ZNF777: variants seen among roughly 807,000 people sequenced by gnomAD.
ZNF777 encodes the protein zinc finger protein 777.
In ZNF777, 7 loss-of-function variants were observed where a neutral mutation model predicts 72.1. That is an observed-to-expected ratio of 0.10 (90% CI 0.06 to 0.18). The LOEUF (loss-of-function observed/expected upper bound fraction) is 0.18. Among genes scored for constraint, ZNF777 ranks in the 10% least tolerant of loss-of-function variants. ZNF777 has a pLI of 1.00. For synonymous variants in ZNF777, 545 were observed against 483.5 expected, an observed-to-expected ratio of 1.13 and a Z score of -1.67; for missense variants, 828 against 1,128.6, an observed-to-expected ratio of 0.73 and a Z score of 3.82.
At chr7:149,459,620 C>A in intron 1 of ZNF777, 1 of 984,800 alleles carries the variant, frequency 1.0e-6, no homozygotes, top group Non-Finnish European at 1.2e-6. Flanking sequence ...TCTGGGCAGG[C>A]CTTTCTGGGG....
chr7:149,460,172 C>A lies in ZNF777; in HGVS notation c.-16+643G>T. The A allele has an allele frequency of 2.2e-6, 2 of 896,498 alleles. No individual in the cohort carries two copies. Among genetic ancestry groups the A allele is most frequent in the South Asian group, 1.0e-4 (2 of 19,748 alleles). 55.5% of individuals were successfully genotyped at this position (896,498 alleles called of 1,614,324 possible). A position where few individuals can be genotyped will look rare whatever the true frequency, so the allele number is the denominator to read the frequency against. ...GGCCCTGCGCTGTCCGGCCCGGGCCCCCGGAGTCGCCGCCGCTACTGCCGC... is the reference window on the plus strand; with the variant it reads ...GGCCCTGCGCTGTCCGGCCCGGGCCACCGGAGTCGCCGCCGCTACTGCCGC... On this transcript the variant is annotated intron_variant, in intron 1 of 5. Coordinates refer to ENST00000247930, the MANE Select transcript of ZNF777 (RefSeq NM_015694.3). This position sits in a 1 kb window ranked among gnomAD's most constrained non-coding sequence, Gnocchi z 6.1.
chr7:149,452,061 C>G (rs894131732), intron 3 of ZNF777, among the ~76,000 whole-genome samples: 30 of 151,528 alleles, frequency 2.0e-4, no homozygotes, highest in Admixed American at 7.9e-4. Context: ...GTCAGGAGAT[C>G]GAGACCATCC....
intron 5 of ZNF777, 58 bp from the exon 6 acceptor site, chr7:149,432,990 C>G: frequency 6.9e-7 from 1 of 1,447,498 alleles, no homozygotes; most frequent in Non-Finnish European, 9.1e-7. Flanking sequence ...CCTAACCTAC[C>G]TGGATGGAGG....
intron 4 of ZNF777, among the ~76,000 whole-genome samples, chr7:149,440,980 C>T (rs1246478588): frequency 2.6e-5 from 4 of 152,144 alleles, no homozygotes; most frequent in Non-Finnish European, 4.4e-5. Context: ...AGCTGTGCTC[C>T]TCCCTGAGCT....
At chr7:149,448,578 A>AATATAT (rs1491438473) in intron 4 of ZNF777, among the ~76,000 whole-genome samples, 2 of 39,956 alleles carry the variant, frequency 5.0e-5, no homozygotes, top group South Asian at 1.9e-3. Context: ...TATACATATA[A>AATATAT]CTATATATAT....
At chr7:149,450,345 C>T (rs1880607) in intron 4 of ZNF777, among the ~76,000 whole-genome samples, 87,078 of 152,038 alleles carry the variant, frequency 0.57, 25,143 homozygotes, top group East Asian at 0.81. Context: ...TGCTATGTGC[C>T]AATCACTGTG....
chr7:149,437,525 C>T (rs576999487), intron 4 of ZNF777, among the ~76,000 whole-genome samples: 7 of 152,276 alleles, frequency 4.6e-5, no homozygotes, highest in South Asian at 2.1e-4. Context: ...CATCCTGTTA[C>T]GCACTGCCCT....
rs749838302 is a variant in ZNF777, at chr7:149,432,487, G to C, written c.1785C>G (p.Ile595Met). The C allele has an allele frequency of 6.2e-7, 1 of 1,613,680 alleles. No individual in the cohort carries two copies. The highest frequency in any genetic ancestry group is 8.5e-7 in the Non-Finnish European group (1 of 1,179,868). The change falls in exon 6 of 6, where the codon ATC (isoleucine) becomes ATG (methionine). Residue 595 changes from isoleucine (I) to methionine (M), a missense_variant. Physicochemically the swap from Ile to Met is conservative, Grantham distance 10 (BLOSUM62 1). Transcript: ENST00000247930. Reference protein sequence around the residue: ...HKQQLTLHQRIHRVRGGCVSP... With the variant: ...HKQQLTLHQRMHRVRGGCVSP... ...AGACGCAGCCTCCGCGCACGCGGTG[G>C]ATGCGCTGGTGCAGCGTGAGCTGTT...
In ZNF777 at chr7:149,432,519, G is replaced by A. The variant is rs1799332181; in HGVS notation, c.1753C>T (p.His585Tyr). The A allele has an allele frequency of 6.2e-7, 1 of 1,613,800 alleles. No homozygotes were observed. Among genetic ancestry groups the A allele is most frequent in the African/African-American group, 1.3e-5 (1 of 74,912 alleles). ...TGGTGCAGCGTGAGCTGTTGCTTGT[G>A]CCGGAAGCTGATCTCGCATTCGGCG... Reference protein sequence around the residue: ...ECAECEISFRHKQQLTLHQRI... With the variant: ...ECAECEISFRYKQQLTLHQRI... Residue 585 changes from histidine (H) to tyrosine (Y), a missense_variant, in exon 6 of 6, where the codon CAC (histidine) becomes TAC (tyrosine). This residue lies in a region of ZNF777 where 100 missense variants were observed against 106.2 expected (regional missense o/e 0.94). Coordinates refer to ENST00000247930, the MANE Select transcript of ZNF777 (RefSeq NM_015694.3).
intron 1 of ZNF777, chr7:149,459,911 C>T (rs1246267866): frequency 5.4e-5 from 52 of 964,622 alleles, no homozygotes; most frequent in Non-Finnish European, 6.3e-5. Flanking sequence ...GAGCAGCCTC[C>T]CTCGCACGGA....
intron 2 of ZNF777, 82 bp from the exon 3 acceptor site, chr7:149,454,319 C>T (rs941890812): frequency 4.5e-5 from 71 of 1,580,500 alleles, no homozygotes; most frequent in Non-Finnish European, 6.1e-5. Flanking sequence ...GGCCCAAACT[C>T]CTGGCTCTGG....
At chr7:149,440,905 A>C (rs1463109634) in intron 4 of ZNF777, among the ~76,000 whole-genome samples, 2 of 151,956 alleles carry the variant, frequency 1.3e-5, no homozygotes, top group African/African-American at 2.4e-5. Flanking sequence ...ACCTGGCCCT[A>C]CTTCAAGACC....
At chr7:149,448,537 A>T (rs1563237730) in intron 4 of ZNF777, among the ~76,000 whole-genome samples, 1 of 139,094 alleles carries the variant, frequency 7.2e-6, no homozygotes, top group Non-Finnish European at 1.5e-5. Context: ...ACATATAGTT[A>T]TATATATAGT....
chr7:149,454,417 C>G (rs1799781835), intron 2 of ZNF777, among the ~76,000 whole-genome samples, 180 bp from the exon 3 acceptor site: 1 of 152,250 alleles, frequency 6.6e-6, no homozygotes, highest in Non-Finnish European at 1.5e-5. Context: ...TTTTCCTCCC[C>G]TTCAGGATAT....
chr7:149,459,543 G>C, intron 1 of ZNF777: 1 of 758,846 alleles, frequency 1.3e-6, no homozygotes. Context: ...CTGCCAGGGC[G>C]GCCCAGCCCC....
chr7:149,451,772 A>G (rs12672023), intron 3 of ZNF777, among the ~76,000 whole-genome samples: 95,336 of 152,116 alleles, frequency 0.63, 30,566 homozygotes, highest in East Asian at 0.81. Context: ...TACATAAAAT[A>G]AGTCTGCAGT....
intron 3 of ZNF777, 34 bp from the exon 4 acceptor site, chr7:149,451,146 G>A (rs1479487943): frequency 3.8e-6 from 6 of 1,580,220 alleles, no homozygotes; most frequent in Non-Finnish European, 5.2e-6. Context: ...ATATGCTCTG[G>A]GATGAGGTTG....
At chr7:149,438,837 CCT>C (rs1243781479) in intron 4 of ZNF777, among the ~76,000 whole-genome samples, 1 of 152,116 alleles carries the variant, frequency 6.6e-6, no homozygotes, top group African/African-American at 2.4e-5. Context: ...TCCTTTAATG[CCT>C]CTCTGATTCA....
Position 149,455,839 on chromosome 7 carries a change from C to T in ZNF777, c.184G>A (p.Ala62Thr). Residue 62 changes from alanine to threonine, a missense_variant, in exon 2 of 6, where the codon GCT (alanine) becomes ACT (threonine). Ala to Thr is a moderately conservative substitution (Grantham distance 58, BLOSUM62 0). Transcript: ENST00000247930. The surrounding 1 kb of genome is among the most constrained non-coding windows in gnomAD (Gnocchi z 4.2). Reference sequence around the variant, plus strand: ...CGGCCAGAAGTCTCTTGCTTGGGAGCACTGGAAGTTTGGGGCAGGGAGCCT... The same window carrying T: ...CGGCCAGAAGTCTCTTGCTTGGGAGTACTGGAAGTTTGGGGCAGGGAGCCT... The part of the protein sequence containing the change: ...RQGSLPQTSS[A>T]PKQETSGRMP... 6.2e-7 allele frequency: 1 copy of T among 1,613,804 alleles called. No individual in the cohort carries two copies. The highest frequency in any genetic ancestry group is 8.5e-7 in the Non-Finnish European group (1 of 1,179,936).
Sources: gnomAD v4.1 joint callset for allele counts (sites outside exome capture counted in the v4.1 genomes callset) on GRCh38, gnomAD v4.1.1 for gene constraint, gnomAD v4.1.1 regional missense constraint, Gnocchi (gnomAD v3.1) non-coding constraint, MANE v1.5 for transcripts, NCBI Gene and HGNC (gene_info 2026-07-23, HGNC 2026-07-21) for gene names.